The following SMC5 variants were observed in gnomAD, a reference collection of about 807,000 sequenced individuals.
SMC5 encodes structural maintenance of chromosomes protein 5.
In SMC5, 88 loss-of-function variants were observed where a neutral mutation model predicts 148.3. That is an observed-to-expected ratio of 0.59 (90% CI 0.50 to 0.71). SMC5 has a LOEUF of 0.71. Among genes scored for constraint, SMC5 ranks in the 30% least tolerant of loss-of-function variants. The probability of loss-of-function intolerance (pLI) is 0.00; values close to 1 mark genes in which losing one functional copy is unlikely to be tolerated. For synonymous variants in SMC5, 421 were observed against 432.8 expected (o/e 0.97, Z 0.34); for missense variants, 1,142 against 1,298.9 (o/e 0.88, Z 1.86).
intron 11 of SMC5, chr9:70,311,827 T>C (rs555517407): frequency 6.6e-6 from 1 of 152,288 alleles, no homozygotes; most frequent in Non-Finnish European, 1.5e-5. Context: ...GAAAGTCCTG[T>C]CTTTTGCAGA....
chr9:70,333,118 A>C (rs1477537655), intron 17 of SMC5, among the ~76,000 whole-genome samples: 1 of 152,186 alleles, frequency 6.6e-6, no homozygotes, highest in East Asian at 1.9e-4. Context: ...TGTAAAAAAA[A>C]ACCTCCAAAC....
chr9:70,319,292 ATTAAT>A (rs1467057607), intron 15 of SMC5, among the ~76,000 whole-genome samples: 1 of 152,204 alleles, frequency 6.6e-6, no homozygotes, highest in African/African-American at 2.4e-5. Context: ...TAAAATATTC[ATTAAT>A]TTATTTTTTT....
chr9:70,300,228 A>C, intron 10 of SMC5, 28 bp downstream of exon 10: 1 of 1,559,746 alleles, frequency 6.4e-7, no homozygotes, highest in Non-Finnish European at 8.6e-7. Context: ...TCTTGGTAGT[A>C]TTGGTTTTAT....
intron 15 of SMC5, among the ~76,000 whole-genome samples, chr9:70,319,985 T>G (rs976629203): frequency 6.6e-6 from 1 of 152,224 alleles, no homozygotes; most frequent in Non-Finnish European, 1.5e-5. Context: ...ACAAATATTG[T>G]CAGTTATTTT....
At chr9:70,336,025 CAG>C (rs1488714536) in intron 17 of SMC5, among the ~76,000 whole-genome samples, 2 of 152,144 alleles carry the variant, frequency 1.3e-5, no homozygotes, top group African/African-American at 2.4e-5. Flanking sequence ...TTCACGTATT[CAG>C]AGTCTCTTTT....
At chr9:70,297,078 G>A (rs907344240) in intron 8 of SMC5, among the ~76,000 whole-genome samples, 1 of 152,110 alleles carries the variant, frequency 6.6e-6, no homozygotes, top group African/African-American at 2.4e-5. Flanking sequence ...AGAAGTGTTT[G>A]GATTTCAGAG....
At chr9:70,350,493 A>C (rs2036779323) in intron 24 of SMC5, 22 bp downstream of exon 24, 1 of 1,518,870 alleles carries the variant, frequency 6.6e-7, no homozygotes, top group Non-Finnish European at 9.0e-7. Flanking sequence ...GTAACCTAAA[A>C]GTGGTCATAT....
chr9:70,278,363 A>T, intron 4 of SMC5, 128 bp from the exon 5 acceptor site: 1 of 824,406 alleles, frequency 1.2e-6, no homozygotes. Flanking sequence ...ATAATGCACA[A>T]AAGGTTTATA....
In SMC5 at chr9:70,278,557, G is replaced by C; in HGVS notation, c.610G>C (p.Gly204Arg). The change falls in exon 5 of 25, where the codon GGT becomes CGT. Residue 204 changes from glycine to arginine, a missense_variant. Physicochemically the swap from Gly to Arg is moderately radical, Grantham distance 125. This residue lies in a region of SMC5 where 297 missense variants were observed against 302.6 expected (regional missense o/e 0.98). Transcript: ENST00000361138. ...ELLEATEKSI[G>R]PPEMHKYHCE... ...CCTCGAAGCCACTGAAAAGTCAATT[G>C]GTCCCCCAGAAATGCACAAATATCA... 1 of 1,611,614 alleles carries C rather than the reference G, an allele frequency of 6.2e-7. No homozygotes were observed. The highest frequency in any genetic ancestry group is 8.5e-7 in the Non-Finnish European group (1 of 1,179,088).
chr9:70,344,680 A>C (rs2036620116), intron 18 of SMC5: 1 of 152,104 alleles, frequency 6.6e-6, no homozygotes, highest in South Asian at 2.1e-4. Context: ...GCCAATAAGA[A>C]AAGGAAAAAA....
intron 10 of SMC5, among the ~76,000 whole-genome samples, chr9:70,301,268 G>A (rs1191781471): frequency 2.0e-5 from 3 of 152,182 alleles, no homozygotes; most frequent in Admixed American, 2.0e-4. Context: ...CTTCAGAACT[G>A]TATTAGATTT....
intron 1 of SMC5, 47 bp downstream of exon 1, chr9:70,259,310 A>C: frequency 6.6e-7 from 1 of 1,507,074 alleles, no homozygotes; most frequent in Non-Finnish European, 8.9e-7. Flanking sequence ...TGTGCTGGCC[A>C]GCAGGCCCCG....
intron 5 of SMC5, among the ~76,000 whole-genome samples, chr9:70,278,935 A>G (rs1316267899): frequency 6.6e-6 from 1 of 152,210 alleles, no homozygotes; most frequent in Non-Finnish European, 1.5e-5. Flanking sequence ...TCTATTAAAC[A>G]CCTACTATGT....
Position 70,259,117 on chromosome 9 carries a change from C to G in SMC5, c.39C>G (p.Pro13=). 1 of 1,611,946 alleles carries G rather than the reference C, an allele frequency of 6.2e-7. No homozygotes were observed. The highest frequency in any genetic ancestry group is 8.5e-7 in the Non-Finnish European group (1 of 1,179,044). The change falls in exon 1 of 25, where the codon CCC becomes CCG. Residue 13 remains proline (P), a synonymous_variant. Transcript: ENST00000361138. The part of the protein sequence containing the change: ...TPSKKTSTPS[P]QPSKRALPRD... ...GCAAGAAGACGTCAACTCCAAGCCC[C>G]CAGCCTTCCAAGAGAGCTCTCCCGA... is the stretch of plus-strand genomic sequence containing the variant.
At chr9:70,261,250 G>A (rs2034121604) in intron 1 of SMC5, among the ~76,000 whole-genome samples, 1 of 152,160 alleles carries the variant, frequency 6.6e-6, no homozygotes, top group Non-Finnish European at 1.5e-5. Flanking sequence ...AGGCAGCCAC[G>A]GTGTGTTTTC....
At chr9:70,331,753 AT>A (rs2036224413) in intron 17 of SMC5, among the ~76,000 whole-genome samples, 5 of 152,220 alleles carry the variant, frequency 3.3e-5, no homozygotes, top group African/African-American at 1.2e-4. Flanking sequence ...TAAAGCTTCC[AT>A]TCTTCGCGAT....
intron 17 of SMC5, among the ~76,000 whole-genome samples, chr9:70,336,332 A>T (rs955936210): frequency 1.3e-5 from 2 of 152,204 alleles, no homozygotes; most frequent in Non-Finnish European, 2.9e-5. Flanking sequence ...GCAGATAAGC[A>T]ACTAGGAGCA....
At chr9:70,292,621 GTAA>G (rs1193512933) in intron 8 of SMC5, among the ~76,000 whole-genome samples, 2 of 152,114 alleles carry the variant, frequency 1.3e-5, no homozygotes, top group African/African-American at 4.8e-5. Context: ...TATTCAGTAT[GTAA>G]TAATAGCAGG....
At chr9:70,287,157 T>A (rs989481921) in intron 8 of SMC5, among the ~76,000 whole-genome samples, 4 of 152,216 alleles carry the variant, frequency 2.6e-5, no homozygotes, top group African/African-American at 9.6e-5. Context: ...TAAGGAAAAA[T>A]CTTGTTTCAA....
Sources: gnomAD v4.1 joint callset for allele counts (sites outside exome capture counted in the v4.1 genomes callset) on GRCh38, gnomAD v4.1.1 for gene constraint, gnomAD v4.1.1 regional missense constraint, MANE v1.5 for transcripts, NCBI Gene and HGNC (gene_info 2026-07-23, HGNC 2026-07-21) for gene names.